EMC7: variants seen among roughly 807,000 people sequenced by gnomAD.
EMC7 encodes ER membrane protein complex subunit 7.
Under a neutral mutation model 24.4 loss-of-function variants are expected in EMC7, and 4 were observed. The observed-to-expected ratio is 0.16, with a 90% CI of 0.08 to 0.38. The LOEUF (loss-of-function observed/expected upper bound fraction) is 0.38. EMC7 is among the 10% of genes least tolerant of loss of function. The probability of loss-of-function intolerance (pLI) is 1.00; values close to 1 mark genes in which losing one functional copy is unlikely to be tolerated. For synonymous variants in EMC7, 106 were observed against 112.0 expected, an observed-to-expected ratio of 0.95 and a Z score of 0.34; for missense variants, 221 against 300.6, an observed-to-expected ratio of 0.74 and a Z score of 1.96.
Position 34,084,308 on chromosome 15 carries a change from G to A in EMC7, c.*26C>T. The A allele has an allele frequency of 1.3e-6, 2 of 1,599,484 alleles. No individual in the cohort carries two copies. Among genetic ancestry groups the A allele is most frequent in the Non-Finnish European group, 1.7e-6 (2 of 1,169,562 alleles). On this transcript the variant is annotated 3_prime_UTR_variant, in exon 5 of 5. Transcript: ENST00000256545. ...TGCCACCCAGTGTTGCCGTGTTTGT[G>A]CAAATGCCAGCTCTGGACGGCCTGA...
intron 2 of EMC7, among the ~76,000 whole-genome samples, chr15:34,091,718 T>C (rs1044486294): frequency 6.6e-6 from 1 of 152,196 alleles, no homozygotes; most frequent in African/African-American, 2.4e-5. Context: ...AGCAAGCCCA[T>C]GGCTTGCCTC....
intron 3 of EMC7, among the ~76,000 whole-genome samples, chr15:34,089,214 G>A (rs576739509): frequency 1.1e-4 from 17 of 152,204 alleles, no homozygotes; most frequent in Non-Finnish European, 2.4e-4. Context: ...AGAAAAGGTC[G>A]ATTTGTTTCT....
intron 2 of EMC7, among the ~76,000 whole-genome samples, chr15:34,094,166 A>G (rs1025418165): frequency 6.6e-6 from 1 of 151,906 alleles, no homozygotes. Flanking sequence ...GCACTTTGGG[A>G]GGCCAAAGTG....
At position 34,084,122 on chromosome 15, in the gene EMC7, AT is replaced by A. The variant is rs1187921970; in HGVS notation, c.*211del. The A allele has an allele frequency of 1.4e-3, 704 of 486,752 alleles. 6 individuals carry two copies. The highest frequency in any genetic ancestry group is 0.012 in the African/African-American group (639 of 51,690). The allele number at this position is 486,752 out of a possible 1,614,324, so 30.2% of individuals were successfully genotyped here. On this transcript the variant is annotated 3_prime_UTR_variant, in exon 5 of 5. Transcript: ENST00000256545. ...AGGACACTGTAATTAATTCAGTGAC[AT>A]CAATATTGACCTCATACAGACAAAA...
intron 2 of EMC7, among the ~76,000 whole-genome samples, chr15:34,093,751 T>C (rs926351610): frequency 2.2e-5 from 3 of 136,070 alleles, no homozygotes; most frequent in Non-Finnish European, 4.6e-5. Flanking sequence ...AGATTTAATA[T>C]AAAAGAACTT....
At chr15:34,098,498 C>A (rs1165779079) in intron 1 of EMC7, among the ~76,000 whole-genome samples, 3 of 150,644 alleles carry the variant, frequency 2.0e-5, no homozygotes, top group Non-Finnish European at 3.0e-5. Context: ...CTCTGTCACC[C>A]AGGATGGAGT....
Position 34,095,923 on chromosome 15 carries a change from C to T in EMC7, c.328G>A (p.Val110Met). Residue 110 changes from valine to methionine, a missense_variant, in exon 2 of 5, where the codon GTG becomes ATG. Transcript: ENST00000256545. ...ATTTTTCCTTTCGAAGTGATATCCA[C>T]TCGAACGGGATCAAATCTGTAAGCT... ...SPAYRFDPVR[V>M]DITSKGKMRA... is the part of the protein sequence containing the mutation. The T allele has an allele frequency of 1.9e-6, 3 of 1,610,344 alleles. No homozygotes were observed. Among genetic ancestry groups the T allele is most frequent in the South Asian group, 2.2e-5 (2 of 90,634 alleles).
intron 2 of EMC7, among the ~76,000 whole-genome samples, chr15:34,094,567 T>C (rs1260024316): frequency 6.6e-6 from 1 of 151,862 alleles, no homozygotes; most frequent in Non-Finnish European, 1.5e-5. Context: ...ACAGGCATGG[T>C]GGCGTGCAGC....
In EMC7 at chr15:34,101,679, G is replaced by A; in HGVS notation, c.161C>T (p.Pro54Leu). The A allele has an allele frequency of 6.2e-7, 1 of 1,613,368 alleles. No homozygotes were observed. The highest frequency in any genetic ancestry group is 1.1e-5 in the South Asian group (1 of 90,988). ...RFKIEGRAVV[P>L]GVKPQDWISA... ...GATCCAGTCCTGAGGCTTCACCCCT[G>A]GAACAACTGCACGCCCCTCAATCTT... The change falls in exon 1 of 5, where the codon CCA becomes CTA. Residue 54 changes from proline (P) to leucine (L), a missense_variant. Physicochemically the swap from Pro to Leu is moderately conservative, Grantham distance 98. This residue lies in a region of EMC7 where 156 missense variants were observed against 177.1 expected (regional missense o/e 0.88). Transcript: ENST00000256545.
chr15:34,093,065 A>T (rs1020328625), intron 2 of EMC7, among the ~76,000 whole-genome samples: 1 of 149,636 alleles, frequency 6.7e-6, no homozygotes, highest in African/African-American at 2.6e-5. Flanking sequence ...TACTAAGCAT[A>T]AAAAAAAGAA....
At chr15:34,094,363 G>A (rs1293342019) in intron 2 of EMC7, among the ~76,000 whole-genome samples, 12 of 152,000 alleles carry the variant, frequency 7.9e-5, no homozygotes, top group Admixed American at 5.2e-4. Flanking sequence ...GTGAAATCCC[G>A]TCTCTACTAA....
At chr15:34,086,189 G>A (rs1900883613) in intron 4 of EMC7, 3 of 395,332 alleles carry the variant, frequency 7.6e-6, no homozygotes, top group East Asian at 1.6e-4. Flanking sequence ...GAACACTGTT[G>A]TCAACACCTC....
chr15:34,088,164 T>C (rs747288092), intron 3 of EMC7, 31 bp from the exon 4 acceptor site: 131 of 1,571,932 alleles, frequency 8.3e-5, no homozygotes, highest in Non-Finnish European at 1.0e-4. Context: ...GAAAATGTTT[T>C]TCCCCCACTT....
intron 3 of EMC7, among the ~76,000 whole-genome samples, chr15:34,089,425 T>C (rs114599908): frequency 6.6e-6 from 1 of 152,188 alleles, no homozygotes; most frequent in East Asian, 1.9e-4. Context: ...TAAATGTACA[T>C]CTATTAGGCA....
At position 34,101,558 on chromosome 15, in the gene EMC7, C is replaced by T. The variant is rs773617133; in HGVS notation, c.236+46G>A. The T allele has an allele frequency of 2.5e-6, 4 of 1,593,002 alleles. No homozygotes were observed. In the South Asian group the frequency reaches 4.5e-5, roughly 18 times the overall value. ...TTAACTCTCCTGGTGGGGTCCCTGT[C>T]CGGCCTCCATCCCAGCCTTTTTCCC... On this transcript the variant is annotated intron_variant, in intron 1 of 4. Coordinates refer to ENST00000256545, the MANE Select transcript of EMC7 (RefSeq NM_020154.3).
intron 1 of EMC7, 124 bp downstream of exon 1, chr15:34,101,480 T>C: frequency 9.9e-7 from 1 of 1,015,016 alleles, no homozygotes; most frequent in Non-Finnish European, 1.5e-6. Flanking sequence ...CATAGACCGT[T>C]AGCGGCACCC....
At chr15:34,101,472 T>C (rs1358032580) in intron 1 of EMC7, 132 bp downstream of exon 1, 1 of 935,406 alleles carries the variant, frequency 1.1e-6, no homozygotes, top group South Asian at 1.6e-5. Flanking sequence ...TCTCCCGGCA[T>C]AGACCGTTAG....
chr15:34,092,882 T>C (rs1039669795), intron 2 of EMC7, among the ~76,000 whole-genome samples: 3 of 152,150 alleles, frequency 2.0e-5, no homozygotes, highest in African/African-American at 7.2e-5. Context: ...TGAAAAATAC[T>C]GTAAGTCAAA....
chr15:34,088,886 C>T (rs4779657), intron 3 of EMC7, among the ~76,000 whole-genome samples: 26,761 of 152,072 alleles, frequency 0.18, 2,634 homozygotes, highest in Middle Eastern at 0.27. Context: ...GACACGGTCT[C>T]GCTCTGTTCC....
Sources: gnomAD v4.1 joint callset for allele counts (sites outside exome capture counted in the v4.1 genomes callset) on GRCh38, gnomAD v4.1.1 for gene constraint, gnomAD v4.1.1 regional missense constraint, MANE v1.5 for transcripts, NCBI Gene and HGNC (gene_info 2026-07-23, HGNC 2026-07-21) for gene names.